Variants in ERBB4 observed in about 807,000 individuals in gnomAD.
ERBB4 encodes the protein erb-b2 receptor tyrosine kinase 4.
ERBB4 carries 42 observed loss-of-function variants against 158.0 expected under a neutral mutation model. That is an observed-to-expected ratio of 0.27 (90% CI 0.21 to 0.34). The LOEUF is 0.34. Ranked by LOEUF, ERBB4 falls within the 10% of genes least tolerant of loss-of-function variation. ERBB4 has a pLI of 1.00. For synonymous variants in ERBB4, 583 were observed against 558.7 expected (o/e 1.04, Z -0.61); for missense variants, 1,333 against 1,624.1 (o/e 0.82, Z 3.08).
chr2:211,848,895 G>C (rs1192168591), intron 3 of ERBB4, among the ~76,000 whole-genome samples: 1 of 152,054 alleles, frequency 6.6e-6, no homozygotes, highest in Non-Finnish European at 1.5e-5. Flanking sequence ...CTTGACATTT[G>C]TCACTCCTTA....
At chr2:212,102,090 TTATA>T (rs57567965) in intron 2 of ERBB4, among the ~76,000 whole-genome samples, 18 of 108,022 alleles carry the variant, frequency 1.7e-4, no homozygotes, top group South Asian at 1.1e-3. Flanking sequence ...AAAATTTATT[TTATA>T]TATATATATA....
intron 1 of ERBB4, among the ~76,000 whole-genome samples, chr2:212,367,706 C>A (rs578120008): frequency 6.6e-6 from 1 of 151,966 alleles, no homozygotes; most frequent in South Asian, 2.1e-4. Flanking sequence ...AGGACTAATA[C>A]CCAGAATCTA....
intron 1 of ERBB4, among the ~76,000 whole-genome samples, chr2:212,153,466 A>G (rs1301476871): frequency 1.3e-5 from 2 of 152,160 alleles, no homozygotes; most frequent in East Asian, 1.9e-4. Flanking sequence ...CAGAACATAC[A>G]CAATCATATG....
intron 2 of ERBB4, among the ~76,000 whole-genome samples, chr2:212,046,267 A>C (rs1239472274): frequency 1.3e-5 from 2 of 152,214 alleles, no homozygotes; most frequent in African/African-American, 4.8e-5. Flanking sequence ...GACACCTAAG[A>C]GAATAAACTA....
At chr2:212,080,566 C>G (rs907227567) in intron 2 of ERBB4, among the ~76,000 whole-genome samples, 1 of 150,148 alleles carries the variant, frequency 6.7e-6, no homozygotes, top group Non-Finnish European at 1.5e-5. Context: ...TTTTTAAAGA[C>G]CATAGCCTCA....
chr2:212,125,389 G>A (rs1438974776), intron 1 of ERBB4, among the ~76,000 whole-genome samples: 13 of 152,048 alleles, frequency 8.5e-5, no homozygotes, highest in Non-Finnish European at 1.8e-4. Flanking sequence ...GCACCTACAA[G>A]ACCTCAAACA....
chr2:211,979,548 T>C (rs1171747260), intron 2 of ERBB4, among the ~76,000 whole-genome samples: 3 of 152,176 alleles, frequency 2.0e-5, no homozygotes, highest in Non-Finnish European at 4.4e-5. Context: ...GAAAAGTATT[T>C]ATTTTCAATA....
At chr2:211,520,121 A>T (rs2066147991) in intron 20 of ERBB4, among the ~76,000 whole-genome samples, 1 of 151,964 alleles carries the variant, frequency 6.6e-6, no homozygotes, top group Non-Finnish European at 1.5e-5. Flanking sequence ...TAGCTTTAGA[A>T]TTTTTTTTGA....
At chr2:211,727,966 G>A (rs62182987) in intron 5 of ERBB4, among the ~76,000 whole-genome samples, 4,973 of 151,856 alleles carry the variant, frequency 0.033, 169 homozygotes, top group African/African-American at 0.091. Flanking sequence ...TTTTGTATTT[G>A]CAATTTTGGT....
intron 1 of ERBB4, among the ~76,000 whole-genome samples, chr2:212,388,564 G>A (rs780991727): frequency 2.7e-4 from 41 of 152,074 alleles, no homozygotes; most frequent in Non-Finnish European, 4.9e-4. Context: ...AAGAAGTCAC[G>A]AACATTTTCC....
At chr2:212,307,357 C>T (rs995213809) in intron 1 of ERBB4, among the ~76,000 whole-genome samples, 9 of 132,324 alleles carry the variant, frequency 6.8e-5, no homozygotes, top group African/African-American at 2.7e-5. Flanking sequence ...AAAAATAAAT[C>T]ATGCTGACTA....
chr2:212,000,830 T>C (rs953334190), intron 2 of ERBB4, among the ~76,000 whole-genome samples: 2 of 151,904 alleles, frequency 1.3e-5, no homozygotes, highest in Non-Finnish European at 2.9e-5. Context: ...GGAGATAAAC[T>C]TCATGCAGTA....
intron 2 of ERBB4, among the ~76,000 whole-genome samples, chr2:212,098,816 G>A (rs1382142485): frequency 2.6e-5 from 4 of 152,050 alleles, no homozygotes; most frequent in African/African-American, 9.7e-5. Flanking sequence ...TGTAAGATTG[G>A]TATCCTATAA....
chr2:211,530,370 C>T (rs913861182), intron 20 of ERBB4, among the ~76,000 whole-genome samples: 1 of 152,034 alleles, frequency 6.6e-6, no homozygotes, highest in Admixed American at 6.6e-5. Flanking sequence ...AAAAGATACT[C>T]CATGTTCATG....
chr2:211,997,453 A>G (rs942606802), intron 2 of ERBB4, among the ~76,000 whole-genome samples: 1 of 152,172 alleles, frequency 6.6e-6, no homozygotes, highest in Non-Finnish European at 1.5e-5. Context: ...AGGGAAAACT[A>G]TGTACCTAAA....
chr2:211,452,466 G>A (rs192324561), intron 20 of ERBB4, among the ~76,000 whole-genome samples: 77 of 152,092 alleles, frequency 5.1e-4, no homozygotes, highest in African/African-American at 1.8e-3. Context: ...GTGAGCCACC[G>A]CCCCCAGCCA....
chr2:211,843,391 G>T (rs1263269600), intron 3 of ERBB4, among the ~76,000 whole-genome samples: 2 of 148,444 alleles, frequency 1.3e-5, no homozygotes, highest in Non-Finnish European at 3.0e-5. Context: ...CAACACTCAG[G>T]CTGGTGCACA....
chr2:211,560,617 A>T (rs968918329), intron 20 of ERBB4, among the ~76,000 whole-genome samples: 1 of 152,170 alleles, frequency 6.6e-6, no homozygotes, highest in African/African-American at 2.4e-5. Context: ...GAATGATTTG[A>T]TAAGTTCTAT....
chr2:211,577,369 T>C (rs1294949038), intron 19 of ERBB4, among the ~76,000 whole-genome samples: 4 of 151,872 alleles, frequency 2.6e-5, no homozygotes, highest in African/African-American at 7.3e-5. Flanking sequence ...ATTTCTGCTC[T>C]TTTTTTTACC....
Sources: allele counts gnomAD v4.1 joint callset (sites outside exome capture counted in the v4.1 genomes callset), GRCh38; gene constraint gnomAD v4.1.1; transcripts MANE v1.5; gene names NCBI Gene and HGNC (gene_info 2026-07-23, HGNC 2026-07-21).